AGAP1: variants seen among roughly 807,000 people sequenced by gnomAD.
AGAP1 encodes the protein arf-GAP with GTPase, ANK repeat and PH domain-containing protein 1.
A neutral mutation model predicts 105.3 loss-of-function variants in AGAP1; 29 were observed. That is an observed-to-expected ratio of 0.28 (90% CI 0.21 to 0.38). The LOEUF is 0.38. Among genes scored for constraint, AGAP1 ranks in the 10% least tolerant of loss-of-function variants. The pLI is 1.00. For missense variants in AGAP1, 998 were observed against 1,165.1 expected, an observed-to-expected ratio of 0.86 and a Z score of 2.09; for synonymous variants, 509 against 485.9, an observed-to-expected ratio of 1.05 and a Z score of -0.63.
intron 13 of AGAP1, among the ~76,000 whole-genome samples, chr2:235,975,265 T>TA (rs1422550119): frequency 2.0e-5 from 3 of 152,248 alleles, no homozygotes; most frequent in African/African-American, 4.8e-5. Context: ...GACTTTTTTT[T>TA]ATTATTATTA....
rs1171862259 is a variant in AGAP1, at chr2:235,639,210, C to T, written c.164-69969C>T. Among the ~76,000 whole-genome samples the T allele has an allele frequency of 6.6e-6, 1 of 152,062 alleles. No homozygotes were observed. The highest frequency in any genetic ancestry group is 1.5e-5 in the Non-Finnish European group (1 of 68,016). On this transcript the variant is annotated intron_variant, in intron 1 of 17. Coordinates refer to ENST00000304032, the MANE Select transcript of AGAP1 (RefSeq NM_001037131.3). The surrounding 1 kb of genome is among the most constrained non-coding windows in gnomAD (Gnocchi z 5.3). ...AGAGAGGGGATGGGTTCAGCTTTGGCCATGCTGTTGTGAGTCTGTGGTTCC... is the reference window on the plus strand; with the variant it reads ...AGAGAGGGGATGGGTTCAGCTTTGGTCATGCTGTTGTGAGTCTGTGGTTCC...
intron 13 of AGAP1, among the ~76,000 whole-genome samples, chr2:236,021,958 C>T (rs1432989229): frequency 6.8e-6 from 1 of 147,870 alleles, no homozygotes; most frequent in Non-Finnish European, 1.5e-5. Flanking sequence ...ACTCGGGAGG[C>T]TGAGGTGGGA....
chr2:236,115,522 T>A (rs906470378), intron 16 of AGAP1, among the ~76,000 whole-genome samples: 1 of 152,218 alleles, frequency 6.6e-6, no homozygotes, highest in Non-Finnish European at 1.5e-5. Context: ...GGAGCTAAGC[T>A]TTCCCCCTGG....
rs1958337039 is a variant in AGAP1 at position 235,814,496 on chromosome 2, G to A, written c.1050+7165G>A. Among the ~76,000 whole-genome samples the A allele has an allele frequency of 3.3e-5, 5 of 152,174 alleles. No individual in the cohort carries two copies. In the South Asian group the frequency reaches 1.0e-3, roughly 31 times the overall value. On this transcript the variant is annotated intron_variant, in intron 9 of 17. Transcript: ENST00000304032. The stretch of plus-strand genomic sequence containing the variant: ...ATTTCTTATCAGATTTGATCAACTA[G>A]TAACAATTGTTCACTGGTCCTTGTG...
rs1238018657 is a variant in AGAP1, at chr2:235,609,568, G to A, written c.164-99611G>A. 2.0e-5 allele frequency among the ~76,000 whole-genome samples: 3 copies of A among 152,174 alleles called. No homozygotes were observed. The highest frequency in any genetic ancestry group is 4.8e-5 in the African/African-American group (2 of 41,446). On this transcript the variant is annotated intron_variant, in intron 1 of 17. Transcript: ENST00000304032. The surrounding 1 kb of genome is among the most constrained non-coding windows in gnomAD (Gnocchi z 5.1). ...CTTGAGTTTTCAGTAGAGAAGGCCTGCTCCTCACTTTGACCCCGGACCTGC... is the reference window on the plus strand; with the variant it reads ...CTTGAGTTTTCAGTAGAGAAGGCCTACTCCTCACTTTGACCCCGGACCTGC...
chr2:235,808,302 C>G (rs6743432), intron 9 of AGAP1, among the ~76,000 whole-genome samples: 1 of 152,242 alleles, frequency 6.6e-6, no homozygotes, highest in African/African-American at 2.4e-5. Flanking sequence ...CTCCTCTCTC[C>G]TGCGGGCACC....
chr2:235,708,840 C>A (rs1950681467), intron 1 of AGAP1, among the ~76,000 whole-genome samples: 1 of 152,196 alleles, frequency 6.6e-6, no homozygotes, highest in Non-Finnish European at 1.5e-5. Context: ...TCCACACTTG[C>A]CAACAGGCAC....
In AGAP1 at chr2:235,872,582, G is replaced by A. The variant is rs537615204; in HGVS notation, c.1051-10763G>A. On this transcript the variant is annotated intron_variant, in intron 9 of 17. Transcript: ENST00000304032. The surrounding 1 kb of genome is among the most constrained non-coding windows in gnomAD (Gnocchi z 4.5). ...GTCATCTTCTGGCCAGTAGGATCAC[G>A]GCTTCATGTCCTCTAAAAGTTTCAA... Among the ~76,000 whole-genome samples, 1 of 152,276 alleles carries A rather than the reference G, an allele frequency of 6.6e-6. No homozygotes were observed. The highest frequency in any genetic ancestry group is 1.9e-4 in the East Asian group (1 of 5,170).
chr2:235,930,982 C>T lies in AGAP1; in HGVS notation c.1483+59C>T. The T allele has an allele frequency of 6.3e-7, 1 of 1,581,742 alleles. No homozygotes were observed. The highest frequency in any genetic ancestry group is 8.6e-7 in the Non-Finnish European group (1 of 1,162,838). Reference sequence around the variant, plus strand: ...CACCTCAAGGTCCTTCGTTGTAAGCCAGGGGCTGGACAGGACGCCCTAAGC... The same window carrying T: ...CACCTCAAGGTCCTTCGTTGTAAGCTAGGGGCTGGACAGGACGCCCTAAGC... On this transcript the variant is annotated intron_variant, in intron 12 of 17. Coordinates refer to ENST00000304032, the MANE Select transcript of AGAP1 (RefSeq NM_001037131.3). The surrounding 1 kb of genome is among the most constrained non-coding windows in gnomAD (Gnocchi z 7.9).
At chr2:235,878,680 C>T (rs2049865473) in intron 9 of AGAP1, among the ~76,000 whole-genome samples, 1 of 152,216 alleles carries the variant, frequency 6.6e-6, no homozygotes, top group Non-Finnish European at 1.5e-5. Context: ...AATATTTGCT[C>T]ATCTGCTCTC....
chr2:236,123,960 A>G lies in AGAP1; in HGVS notation c.2412A>G (p.Thr804=), dbSNP rs1365670661. The change falls in exon 18 of 18, where the codon ACA becomes ACG. Residue 804 remains threonine, a synonymous_variant. Transcript: ENST00000304032. The surrounding 1 kb of genome is among the most constrained non-coding windows in gnomAD (Gnocchi z 4.6). ...CGGCCCGAGATGCCCACGGGAACAC[A>G]GCTCTGGCCTACGCCCGGCAGGCCT... The part of the protein sequence containing the change: ...DVTARDAHGN[T]ALAYARQASS... 1 of 1,613,614 alleles carries G rather than the reference A, an allele frequency of 6.2e-7. No individual in the cohort carries two copies. Among genetic ancestry groups the G allele is most frequent in the Admixed American group, 1.7e-5 (1 of 59,992 alleles).
intron 1 of AGAP1, among the ~76,000 whole-genome samples, chr2:235,643,457 A>AAAAAAAAAAAAAAAAAGAAAG (rs1553595203): frequency 1.4e-5 from 2 of 140,402 alleles, no homozygotes; most frequent in African/African-American, 5.4e-5. Flanking sequence ...AAAAAAAAAA[A>AAAAAAAAAAAAAAAAAGAAAG]AAAGAAAGAA....
At position 236,051,819 on chromosome 2, in the gene AGAP1, C is replaced by T. The variant is rs1345624475; in HGVS notation, c.2114+2538C>T. On this transcript the variant is annotated intron_variant, in intron 16 of 17. Transcript: ENST00000304032. This position sits in a 1 kb window ranked among gnomAD's most constrained non-coding sequence, Gnocchi z 5.9. ...TCCCTTCCCGCTGGAAGGCCAGGGT[C>T]CTGGTGGAGCATGCGGGAAGCCTTA... 6.6e-6 allele frequency among the ~76,000 whole-genome samples: 1 copy of T among 152,192 alleles called. No homozygotes were observed. The highest frequency in any genetic ancestry group is 2.4e-5 in the African/African-American group (1 of 41,448).
At chr2:235,779,272 C>A (rs1482773153) in intron 6 of AGAP1, among the ~76,000 whole-genome samples, 1 of 152,188 alleles carries the variant, frequency 6.6e-6, no homozygotes, top group Non-Finnish European at 1.5e-5. Context: ...TACAGCCTCG[C>A]CAAGATACAA....
intron 1 of AGAP1, among the ~76,000 whole-genome samples, chr2:235,653,122 A>G (rs958363761): frequency 3.0e-4 from 46 of 152,244 alleles, no homozygotes; most frequent in African/African-American, 1.1e-3. Flanking sequence ...GCTGCATTGT[A>G]AAGAGGAAAT....
chr2:235,503,309 T>G (rs1941645068), intron 1 of AGAP1, among the ~76,000 whole-genome samples: 1 of 152,210 alleles, frequency 6.6e-6, no homozygotes, highest in Non-Finnish European at 1.5e-5. Context: ...TCCGGAAGCC[T>G]GTCTGCACCC....
Position 236,096,346 on chromosome 2 carries a change from C to T in AGAP1, c.2115-23846C>T, listed in dbSNP as rs765199063. Among the ~76,000 whole-genome samples, 12 of 151,828 alleles carry T rather than the reference C, an allele frequency of 7.9e-5. No individual in the cohort carries two copies. The highest frequency in any genetic ancestry group is 7.4e-5 in the Non-Finnish European group (5 of 67,966). ...GAAACACCCATCTCTACTAAAAATA[C>T]AAAAATTAGCTGGGCATGGTGGTGT... On this transcript the variant is annotated intron_variant, in intron 16 of 17. Coordinates refer to ENST00000304032, the MANE Select transcript of AGAP1 (RefSeq NM_001037131.3). The surrounding 1 kb of genome is among the most constrained non-coding windows in gnomAD (Gnocchi z 4.4).
intron 8 of AGAP1, among the ~76,000 whole-genome samples, chr2:235,804,148 C>T (rs1008278498): frequency 3.9e-5 from 6 of 152,190 alleles, no homozygotes; most frequent in African/African-American, 1.4e-4. Flanking sequence ...GTTTCTCCTG[C>T]CTGTCTGCCT....
Position 235,963,680 on chromosome 2 carries a change from G to A in AGAP1, c.1484-4782G>A, listed in dbSNP as rs1308878659. On this transcript the variant is annotated intron_variant, in intron 12 of 17. Coordinates refer to ENST00000304032, the MANE Select transcript of AGAP1 (RefSeq NM_001037131.3). This position sits in a 1 kb window ranked among gnomAD's most constrained non-coding sequence, Gnocchi z 5.1. ...CCAGGAGCGGATGGTGCATGTTAAG[G>A]TGGGAAGCTCTATCTTGACTCCACC... 1.3e-5 allele frequency among the ~76,000 whole-genome samples: 2 copies of A among 152,168 alleles called. No individual in the cohort carries two copies. The highest frequency in any genetic ancestry group is 2.4e-5 in the African/African-American group (1 of 41,428).
Sources: allele counts gnomAD v4.1 joint callset (sites outside exome capture counted in the v4.1 genomes callset), GRCh38; gene constraint gnomAD v4.1.1; non-coding constraint Gnocchi (gnomAD v3.1); transcripts MANE v1.5; gene names NCBI Gene and HGNC (gene_info 2026-07-23, HGNC 2026-07-21).